CWC27: variants seen among roughly 807,000 people sequenced by gnomAD.
CWC27 encodes CWC27 spliceosome associated cyclophilin, also known as spliceosome-associated protein CWC27 homolog.
CWC27 carries 47 observed loss-of-function variants against 63.6 expected under a neutral mutation model. The ratio of observed to expected loss-of-function variants is 0.74; its 90% CI spans 0.58 to 0.94. The LOEUF is 0.94. Ranked by LOEUF, CWC27 falls within the 40% of genes least tolerant of loss-of-function variation. The pLI, the probability that CWC27 is intolerant of heterozygous loss-of-function variation, is 0.00. For missense variants in CWC27, 495 were observed against 554.3 expected (o/e 0.89, Z 1.07); for synonymous variants, 175 against 179.8 (o/e 0.97, Z 0.22).
At chr5:64,997,026 C>T (rs1749645805) in intron 13 of CWC27, among the ~76,000 whole-genome samples, 2 of 152,086 alleles carry the variant, frequency 1.3e-5, no homozygotes, top group Non-Finnish European at 1.5e-5. Context: ...CTGTCTAAGT[C>T]CCCTTTAAAT....
At chr5:64,926,707 C>T (rs1030910037) in intron 11 of CWC27, among the ~76,000 whole-genome samples, 4 of 151,926 alleles carry the variant, frequency 2.6e-5, no homozygotes, top group African/African-American at 7.3e-5. Context: ...TTGGAAAACA[C>T]ATTATTGGGG....
At chr5:64,997,324 T>C (rs2112463120) in intron 13 of CWC27, among the ~76,000 whole-genome samples, 1 of 152,284 alleles carries the variant, frequency 6.6e-6, no homozygotes, top group African/African-American at 2.4e-5. Flanking sequence ...GGGATAATAA[T>C]AGTACCTTTT....
intron 10 of CWC27, among the ~76,000 whole-genome samples, chr5:64,882,722 T>C (rs1746972256): frequency 6.6e-6 from 1 of 152,128 alleles, no homozygotes; most frequent in Non-Finnish European, 1.5e-5. Context: ...GCCTCCCGAA[T>C]AGCTGGGAGT....
At chr5:64,863,882 A>G (rs1449630444) in intron 10 of CWC27, among the ~76,000 whole-genome samples, 1 of 152,198 alleles carries the variant, frequency 6.6e-6, no homozygotes, top group African/African-American at 2.4e-5. Context: ...TCAATCCTTT[A>G]TGTAAAAATT....
At chr5:64,982,717 A>C (rs1162666098) in intron 13 of CWC27, among the ~76,000 whole-genome samples, 2 of 152,152 alleles carry the variant, frequency 1.3e-5, no homozygotes, top group Non-Finnish European at 2.9e-5. Context: ...AGTTAGCTAA[A>C]TGAACTTAGC....
At chr5:64,904,464 G>A (rs1747575849) in intron 11 of CWC27, among the ~76,000 whole-genome samples, 1 of 152,214 alleles carries the variant, frequency 6.6e-6, no homozygotes, top group Non-Finnish European at 1.5e-5. Context: ...TCTCATGGCT[G>A]ACAGGAAGCC....
intron 11 of CWC27, among the ~76,000 whole-genome samples, chr5:64,918,307 A>T (rs1747931479): frequency 6.6e-6 from 1 of 152,180 alleles, no homozygotes; most frequent in South Asian, 2.1e-4. Flanking sequence ...TGGTCAAAGG[A>T]TTCAAAATTT....
At chr5:64,846,709 A>G (rs1195112392) in intron 10 of CWC27, among the ~76,000 whole-genome samples, 3 of 152,032 alleles carry the variant, frequency 2.0e-5, no homozygotes, top group African/African-American at 4.8e-5. Flanking sequence ...GAAAATGGCA[A>G]TAGGCCGGGC....
intron 13 of CWC27, among the ~76,000 whole-genome samples, chr5:64,989,245 AT>A (rs1749491757): frequency 6.6e-6 from 1 of 152,168 alleles, no homozygotes; most frequent in Non-Finnish European, 1.5e-5. Context: ...AGATTCTCAC[AT>A]ATGTACTGTT....
At chr5:64,799,761 G>A (rs1454146624) in intron 7 of CWC27, among the ~76,000 whole-genome samples, 1 of 151,730 alleles carries the variant, frequency 6.6e-6, no homozygotes, top group African/African-American at 2.4e-5. Context: ...TGCTCAAGAG[G>A]CTCTTCTATA....
intron 10 of CWC27, among the ~76,000 whole-genome samples, chr5:64,853,560 A>G (rs1377261676): frequency 6.6e-6 from 1 of 152,254 alleles, no homozygotes; most frequent in Non-Finnish European, 1.5e-5. Context: ...GTAATGTCTA[A>G]GGAAAAGAGG....
chr5:64,965,677 C>G (rs1749000668), intron 11 of CWC27, among the ~76,000 whole-genome samples: 2 of 152,132 alleles, frequency 1.3e-5, no homozygotes, highest in South Asian at 4.1e-4. Flanking sequence ...CAAAGCAAAA[C>G]TGGTTTTGCA....
intron 13 of CWC27, among the ~76,000 whole-genome samples, chr5:64,984,740 A>G (rs976229321): frequency 6.6e-6 from 1 of 152,166 alleles, no homozygotes; most frequent in African/African-American, 2.4e-5. Context: ...TTTATCAGAT[A>G]TGTGATTTTT....
chr5:64,808,956 T>C (rs1312795918), intron 10 of CWC27, among the ~76,000 whole-genome samples: 2 of 152,142 alleles, frequency 1.3e-5, no homozygotes, highest in African/African-American at 2.4e-5. Context: ...AAACAATGTG[T>C]CTATTAACTA....
Position 65,004,901 on chromosome 5 carries a change from T to TAC in CWC27, c.1257-13257_1257-13256insCA, listed in dbSNP as rs1369455529. On this transcript the variant is annotated intron_variant, in intron 13 of 13. Transcript: ENST00000381070. ...ATATATATATATATATATATATATA[T>TAC]ATATACATACACACACACACACACA... 1.6e-3 allele frequency among the ~76,000 whole-genome samples: 102 copies of TAC among 65,100 alleles called. 1 individual carries two copies. The highest frequency in any genetic ancestry group is 3.3e-3 in the East Asian group (8 of 2,440). 42.7% of individuals were successfully genotyped at this position (65,100 alleles called of 152,430 possible).
At chr5:64,995,690 A>G (rs949658693) in intron 13 of CWC27, among the ~76,000 whole-genome samples, 4 of 152,070 alleles carry the variant, frequency 2.6e-5, no homozygotes, top group Non-Finnish European at 4.4e-5. Flanking sequence ...TTATTATTTT[A>G]CATTGATTTC....
At chr5:64,805,143 A>G (rs1031671095) in intron 10 of CWC27, among the ~76,000 whole-genome samples, 1 of 152,008 alleles carries the variant, frequency 6.6e-6, no homozygotes, top group South Asian at 2.1e-4. Context: ...TTTCTCAACC[A>G]CATGTAGAAA....
chr5:64,776,068 CGAGA>C (rs70983650), intron 2 of CWC27, among the ~76,000 whole-genome samples: 3,614 of 108,270 alleles, frequency 0.033, 54 homozygotes, highest in Middle Eastern at 0.057. Flanking sequence ...AGGAGTGGAG[CGAGA>C]GAGAGAGAGA....
At chr5:65,007,345 T>C (rs967625900) in intron 13 of CWC27, among the ~76,000 whole-genome samples, 1 of 152,102 alleles carries the variant, frequency 6.6e-6, no homozygotes, top group Non-Finnish European at 1.5e-5. Flanking sequence ...CTAAATGTAA[T>C]ATGGTATCCT....
Sources: allele counts gnomAD v4.1 joint callset (sites outside exome capture counted in the v4.1 genomes callset), GRCh38; gene constraint gnomAD v4.1.1; transcripts MANE v1.5; gene names NCBI Gene and HGNC (gene_info 2026-07-23, HGNC 2026-07-21).